CDH4: variants seen among roughly 807,000 people sequenced by gnomAD.
The protein encoded by CDH4 is cadherin-4.
A neutral mutation model predicts 86.0 loss-of-function variants in CDH4; 33 were observed. The ratio of observed to expected loss-of-function variants is 0.38; its 90% CI spans 0.29 to 0.51. CDH4 has a LOEUF of 0.51. CDH4 is among the 20% of genes least tolerant of loss of function. The pLI is 0.86. For synonymous variants in CDH4, 555 were observed against 549.4 expected, an observed-to-expected ratio of 1.01 and a Z score of -0.14; for missense variants, 1,114 against 1,307.4, an observed-to-expected ratio of 0.85 and a Z score of 2.28.
intron 4 of CDH4, among the ~76,000 whole-genome samples, chr20:61,780,805 C>T (rs1978500111): frequency 6.6e-6 from 1 of 152,150 alleles, no homozygotes; most frequent in Non-Finnish European, 1.5e-5. Flanking sequence ...AGGTGGCTTC[C>T]CTCTGAGGGC....
At chr20:61,689,546 T>C (rs369820538) in intron 2 of CDH4, among the ~76,000 whole-genome samples, 1,470 of 35,832 alleles carry the variant, frequency 0.041, 1 homozygote, top group East Asian at 0.2. Flanking sequence ...GATGTGGAAT[T>C]GGGCTGGGAC....
At chr20:61,818,916 C>A (rs1486311757) in intron 4 of CDH4, among the ~76,000 whole-genome samples, 2 of 152,140 alleles carry the variant, frequency 1.3e-5, no homozygotes, top group Non-Finnish European at 2.9e-5. Flanking sequence ...GAGCAGGGGG[C>A]TCTCTCGGAC....
intron 2 of CDH4, among the ~76,000 whole-genome samples, chr20:61,296,629 T>C (rs1257589305): frequency 2.0e-5 from 3 of 151,844 alleles, no homozygotes; most frequent in Non-Finnish European, 4.4e-5. Context: ...TTAGAATAGG[T>C]ACTTTTTTTC....
intron 2 of CDH4, among the ~76,000 whole-genome samples, chr20:61,578,872 A>T (rs2086404243): frequency 6.6e-6 from 1 of 152,178 alleles, no homozygotes; most frequent in African/African-American, 2.4e-5. Flanking sequence ...CCGGTCAAGC[A>T]ATAAGACAAC....
At chr20:61,922,880 T>C (rs2054996861) in intron 9 of CDH4, among the ~76,000 whole-genome samples, 1 of 152,248 alleles carries the variant, frequency 6.6e-6, no homozygotes, top group Non-Finnish European at 1.5e-5. Flanking sequence ...CTTAGCGTCC[T>C]GAAGCCCTGG....
At chr20:61,586,045 GGAGGA>G (rs1568698709) in intron 2 of CDH4, among the ~76,000 whole-genome samples, 2 of 140,262 alleles carry the variant, frequency 1.4e-5, no homozygotes, top group Non-Finnish European at 3.1e-5. Context: ...GTGGTGATGA[GGAGGA>G]TGATGGTGAT....
rs537212355 is a variant in CDH4 at position 61,276,802 on chromosome 20, T to C, written c.169+21865T>C. ...ACAGGAGCCAGCAAGATGCTGCACT[T>C]TTCATGAATGGATCACATTGTTCAT... On this transcript the variant is annotated intron_variant, in intron 2 of 15. Transcript: ENST00000614565. Among the ~76,000 whole-genome samples the C allele has an allele frequency of 3.3e-5, 5 of 152,312 alleles. No individual in the cohort carries two copies. In the East Asian group the frequency reaches 9.7e-4, roughly 29 times the overall value.
Position 61,910,593 on chromosome 20 carries a change from G to C in CDH4, c.1360G>C (p.Val454Leu). The change falls in exon 9 of 16, where the codon GTC becomes CTC. Residue 454 changes from valine (V) to leucine (L), a missense_variant. By Grantham distance (32) the Val-to-Leu change is conservative. This residue lies in a region of CDH4 where 705 missense variants were observed against 914.1 expected (regional missense o/e 0.77). Transcript: ENST00000614565. ...RTDPVTNEGMVTVVKAVDYEL... is the reference protein window; with the variant it reads ...RTDPVTNEGMLTVVKAVDYEL... ...AGACCCCGTAACCAACGAGGGCATG[G>C]TCACCGTGGTGAAGGTGCGTACTCT... The C allele has an allele frequency of 6.2e-7, 1 of 1,613,542 alleles. No individual in the cohort carries two copies. The highest frequency in any genetic ancestry group is 8.5e-7 in the Non-Finnish European group (1 of 1,179,870).
At chr20:61,717,289 T>G (rs942834712) in intron 2 of CDH4, among the ~76,000 whole-genome samples, 16 of 152,144 alleles carry the variant, frequency 1.1e-4, no homozygotes, top group Non-Finnish European at 1.8e-4. Context: ...CGGGAGCTAG[T>G]GACAACACAG....
At chr20:61,655,465 A>G (rs995110179) in intron 2 of CDH4, among the ~76,000 whole-genome samples, 1 of 152,220 alleles carries the variant, frequency 6.6e-6, no homozygotes, top group Non-Finnish European at 1.5e-5. Context: ...AGAAACGGCC[A>G]TCGTTCCAGG....
chr20:61,424,373 C>T (rs6121846), intron 2 of CDH4, among the ~76,000 whole-genome samples: 80 of 151,982 alleles, frequency 5.3e-4, no homozygotes, highest in African/African-American at 1.8e-3. Flanking sequence ...TATCCACAAA[C>T]ATGTATCCAC....
At chr20:61,552,466 G>A (rs193010395) in intron 2 of CDH4, among the ~76,000 whole-genome samples, 1,872 of 152,320 alleles carry the variant, frequency 0.012, 13 homozygotes, top group Non-Finnish European at 0.02. Context: ...CTGGGAGTCC[G>A]AGGTGGGCGG....
At chr20:61,586,527 G>A (rs572567015) in intron 2 of CDH4, among the ~76,000 whole-genome samples, 2 of 152,192 alleles carry the variant, frequency 1.3e-5, no homozygotes, top group Non-Finnish European at 2.9e-5. Flanking sequence ...TGGACGTGAG[G>A]TAACTCAAAG....
intron 2 of CDH4, among the ~76,000 whole-genome samples, chr20:61,402,866 T>A (rs983448967): frequency 1.3e-5 from 2 of 152,230 alleles, no homozygotes; most frequent in Non-Finnish European, 2.9e-5. Flanking sequence ...GTCACTAGGA[T>A]GGAGTTCATT....
intron 2 of CDH4, among the ~76,000 whole-genome samples, chr20:61,494,858 C>T (rs555118060): frequency 6.6e-6 from 1 of 152,370 alleles, no homozygotes; most frequent in African/African-American, 2.4e-5. Context: ...AGTGTGGTAG[C>T]GCCTCGTGCA....
intron 2 of CDH4, among the ~76,000 whole-genome samples, chr20:61,507,790 TAAC>T (rs2085751744): frequency 6.6e-6 from 1 of 152,170 alleles, no homozygotes; most frequent in Admixed American, 6.5e-5. Flanking sequence ...ACTTCATTAA[TAAC>T]AACATATTGG....
At chr20:61,509,186 C>T (rs370680703) in intron 2 of CDH4, among the ~76,000 whole-genome samples, 161 of 152,140 alleles carry the variant, frequency 1.1e-3, no homozygotes, top group African/African-American at 2.9e-3. Flanking sequence ...TCCTCTGAGA[C>T]GGCAGAGGAC....
intron 4 of CDH4, among the ~76,000 whole-genome samples, chr20:61,830,945 G>C (rs555003963): frequency 2.0e-5 from 3 of 152,322 alleles, no homozygotes; most frequent in East Asian, 3.9e-4. Context: ...TGAAATGTCA[G>C]TCGGGAGGGC....
At chr20:61,271,723 C>CCCTGG (rs2084184510) in intron 2 of CDH4, among the ~76,000 whole-genome samples, 2 of 152,220 alleles carry the variant, frequency 1.3e-5, no homozygotes, top group Non-Finnish European at 2.9e-5. Context: ...TTGTGCCTTA[C>CCCTGG]CCTGGGCAAG....
Sources: gnomAD v4.1 joint callset for allele counts (sites outside exome capture counted in the v4.1 genomes callset) on GRCh38, gnomAD v4.1.1 for gene constraint, gnomAD v4.1.1 regional missense constraint, MANE v1.5 for transcripts, NCBI Gene and HGNC (gene_info 2026-07-23, HGNC 2026-07-21) for gene names.